The following CFAP96 variants were observed in gnomAD, a reference collection of about 807,000 sequenced individuals.
The protein encoded by CFAP96 is cilia and flagella associated protein 96, also known as cilia-and flagella-associated protein 96.
At chr4:185,444,329 T>C in the CFAP96 span, among the ~76,000 whole-genome samples, 155 of 152,274 alleles carry the variant, frequency 1.0e-3, 1 homozygote, top group African/African-American at 3.7e-3. Context: ...ATTAAATGGG[T>C]TATTATGATT....
chr4:185,443,921 CTTTT>C, the CFAP96 span, among the ~76,000 whole-genome samples: 8 of 82,854 alleles, frequency 9.7e-5, 1 homozygote, highest in African/African-American at 2.8e-4. Flanking sequence ...CTATATCTTT[CTTTT>C]TTTTTTTTTT....
chr4:185,447,179 AT>A, the CFAP96 span, among the ~76,000 whole-genome samples: 3 of 129,532 alleles, frequency 2.3e-5, no homozygotes, highest in Non-Finnish European at 3.3e-5. Context: ...TTGATTTTAT[AT>A]TTTTTCTTTT....
At chr4:185,425,868 T>C in the CFAP96 span, 9 of 1,603,924 alleles carry the variant, frequency 5.6e-6, no homozygotes, top group Admixed American at 5.1e-5. Context: ...ATACTCACCA[T>C]GTCCGCGACG....
chr4:185,441,229 C>A, the CFAP96 span, among the ~76,000 whole-genome samples: 1 of 152,158 alleles, frequency 6.6e-6, no homozygotes, highest in Admixed American at 6.5e-5. Flanking sequence ...AATTAACTAT[C>A]TTCCTACTGC....
chr4:185,428,073 C>T, the CFAP96 span, among the ~76,000 whole-genome samples: 1 of 126,836 alleles, frequency 7.9e-6, no homozygotes, highest in South Asian at 2.8e-4. Context: ...GCTACAAGAG[C>T]GAAACTCTGT....
chr4:185,449,784 C>T, the CFAP96 span: 11 of 527,426 alleles, frequency 2.1e-5, no homozygotes, highest in Non-Finnish European at 3.7e-5. Flanking sequence ...AATTCTCTTC[C>T]TTATTTTAAT....
the CFAP96 span, among the ~76,000 whole-genome samples, chr4:185,414,583 C>A: frequency 6.6e-6 from 1 of 152,152 alleles, no homozygotes; most frequent in Non-Finnish European, 1.5e-5. Context: ...TAGGAAGATG[C>A]TCCACGGTCT....
At chr4:185,449,522 T>TAAAA in the CFAP96 span, 4 of 827,046 alleles carry the variant, frequency 4.8e-6, no homozygotes, top group Middle Eastern at 2.5e-4. Context: ...GACCCGGTCT[T>TAAAA]AAAAAAAAAA....
chr4:185,415,031 G>T, the CFAP96 span: 1 of 793,898 alleles, frequency 1.3e-6, no homozygotes, highest in Non-Finnish European at 1.9e-6. Context: ...AAAATGAATA[G>T]TCTAAATTCC....
At chr4:185,414,431 T>A in the CFAP96 span, among the ~76,000 whole-genome samples, 1 of 152,176 alleles carries the variant, frequency 6.6e-6, no homozygotes, top group Non-Finnish European at 1.5e-5. Context: ...ATAGGTATTT[T>A]AAAAAGTTTG....
At chr4:185,412,975 A>G in the CFAP96 span, among the ~76,000 whole-genome samples, 1 of 152,130 alleles carries the variant, frequency 6.6e-6, no homozygotes, top group Non-Finnish European at 1.5e-5. Context: ...AACCGGGTAT[A>G]TGTTACATGG....
the CFAP96 span, among the ~76,000 whole-genome samples, chr4:185,447,204 C>T: frequency 1.8e-3 from 274 of 148,596 alleles, 1 homozygote; most frequent in Non-Finnish European, 2.5e-3. Flanking sequence ...TTTTTTGAGA[C>T]GGAGTCTCAC....
the CFAP96 span, among the ~76,000 whole-genome samples, chr4:185,447,251 G>C: frequency 6.6e-6 from 1 of 151,200 alleles, no homozygotes; most frequent in Non-Finnish European, 1.5e-5. Context: ...GCACGATCTC[G>C]GCTCACTGCA....
At chr4:185,433,396 C>CAAAAAAAAAA in the CFAP96 span, among the ~76,000 whole-genome samples, 1 of 27,948 alleles carries the variant, frequency 3.6e-5, no homozygotes, top group Non-Finnish European at 7.7e-5. Flanking sequence ...GACTCCATCT[C>CAAAAAAAAAA]AAAAAAAAAA....
the CFAP96 span, among the ~76,000 whole-genome samples, chr4:185,426,733 A>G: frequency 2.0e-5 from 3 of 152,146 alleles, no homozygotes; most frequent in African/African-American, 4.8e-5. Flanking sequence ...TTGCTCAATA[A>G]GAGTTAAGTA....
chr4:185,427,327 G>A, the CFAP96 span, among the ~76,000 whole-genome samples: 2 of 152,210 alleles, frequency 1.3e-5, no homozygotes, highest in Non-Finnish European at 2.9e-5. Flanking sequence ...TGTGGGGAAG[G>A]GCGTTGTATT....
the CFAP96 span, chr4:185,449,806 A>G: frequency 3.7e-5 from 17 of 459,612 alleles, no homozygotes; most frequent in South Asian, 8.5e-4. Context: ...CTACTAGTTA[A>G]TAAATAGTAT....
chr4:185,415,221 T>G, the CFAP96 span: 29 of 1,608,574 alleles, frequency 1.8e-5, no homozygotes, highest in East Asian at 6.3e-4. Context: ...CAAGATTTTT[T>G]TTCCCTGGTA....
At chr4:185,410,402 CACTT>C in the CFAP96 span, among the ~76,000 whole-genome samples, 3 of 152,152 alleles carry the variant, frequency 2.0e-5, no homozygotes, top group Non-Finnish European at 4.4e-5. Flanking sequence ...GTAATCCCAG[CACTT>C]TGGGAGGCCG....
Sources: gnomAD v4.1 joint callset for allele counts (sites outside exome capture counted in the v4.1 genomes callset) on GRCh38, gnomAD v4.1.1 for gene constraint, MANE v1.5 for transcripts, NCBI Gene and HGNC (gene_info 2026-07-23, HGNC 2026-07-21) for gene names.